The following EZH2 variants were observed in gnomAD, a reference collection of about 807,000 sequenced individuals.
EZH2 encodes the protein enhancer of zeste 2 polycomb repressive complex 2 subunit.
Under a neutral mutation model 98.4 loss-of-function variants are expected in EZH2, and 18 were observed. That is an observed-to-expected ratio of 0.18 (90% CI 0.13 to 0.27). The LOEUF is 0.27. EZH2 is among the 10% of genes least tolerant of loss of function. The probability of loss-of-function intolerance (pLI) is 1.00; values close to 1 mark genes in which losing one functional copy is unlikely to be tolerated. For synonymous variants in EZH2, 338 were observed against 312.3 expected, an observed-to-expected ratio of 1.08 and a Z score of -0.87; for missense variants, 470 against 935.1, an observed-to-expected ratio of 0.50 and a Z score of 6.49.
chr7:148,817,109 G>A (rs868860375), intron 11 of EZH2, 113 bp downstream of exon 11: 13 of 964,696 alleles, frequency 1.3e-5, no homozygotes, highest in Non-Finnish European at 1.9e-5. Flanking sequence ...ATTATTTTTA[G>A]GAGATGAATA....
intron 8 of EZH2, among the ~76,000 whole-genome samples, chr7:148,825,697 C>T (rs1009896259): frequency 6.6e-6 from 1 of 151,986 alleles, no homozygotes; most frequent in Admixed American, 6.6e-5. Context: ...TACAATGGGT[C>T]AAAGCCCCTA....
chr7:148,872,611 T>A (rs1170728691), intron 1 of EZH2, among the ~76,000 whole-genome samples: 1 of 152,210 alleles, frequency 6.6e-6, no homozygotes, highest in Non-Finnish European at 1.5e-5. Context: ...TAGGAACTCA[T>A]GTATCTACAA....
chr7:148,814,873 T>C (rs1804141776), intron 14 of EZH2, 41 bp downstream of exon 14: 4 of 1,600,670 alleles, frequency 2.5e-6, no homozygotes, highest in Middle Eastern at 2.2e-4. Context: ...CAAAGACCTA[T>C]TTAGTTCTCA....
At position 148,826,328 on chromosome 7, in the gene EZH2, G is replaced by C. The variant is rs182642772; in HGVS notation, c.907+126C>G. Reference sequence around the variant, plus strand: ...AACAAAGTAAAAATAATAATACTGAGATCTAAAGATATTTGTCAAAGTAAC... The same window carrying C: ...AACAAAGTAAAAATAATAATACTGACATCTAAAGATATTTGTCAAAGTAAC... On this transcript the variant is annotated intron_variant, in intron 8 of 19. Coordinates refer to ENST00000320356, the MANE Select transcript of EZH2 (RefSeq NM_004456.5). The C allele has an allele frequency of 5.0e-5, 35 of 695,532 alleles. No homozygotes were observed. In the East Asian group the frequency reaches 1.0e-3, roughly 20 times the overall value. The allele number at this position is 695,532 out of a possible 1,614,324, so 43.1% of individuals were successfully genotyped here. A position where few individuals can be genotyped will look rare whatever the true frequency, so the allele number is the denominator to read the frequency against.
intron 1 of EZH2, among the ~76,000 whole-genome samples, chr7:148,859,413 T>G (rs1197900020): frequency 3.3e-5 from 5 of 151,948 alleles, no homozygotes; most frequent in Non-Finnish European, 7.4e-5. Context: ...GGCTGAGGCA[T>G]GAGAATCACT....
intron 1 of EZH2, among the ~76,000 whole-genome samples, chr7:148,859,531 AC>A (rs1817362450): frequency 6.6e-6 from 1 of 151,632 alleles, no homozygotes; most frequent in African/African-American, 2.4e-5. Context: ...AACAACAACA[AC>A]AACAAAGTAA....
intron 1 of EZH2, among the ~76,000 whole-genome samples, chr7:148,851,516 TG>T (rs1442248506): frequency 6.6e-6 from 1 of 152,216 alleles, no homozygotes; most frequent in Non-Finnish European, 1.5e-5. Context: ...ATCAGGCCTC[TG>T]ACTCCATTTT....
intron 3 of EZH2, among the ~76,000 whole-genome samples, chr7:148,835,200 G>A (rs754665996): frequency 3.3e-5 from 5 of 152,010 alleles, no homozygotes; most frequent in Non-Finnish European, 7.4e-5. Flanking sequence ...CGGGCAGATC[G>A]CTTGAGCCCA....
chr7:148,831,778 A>G (rs10488070), intron 4 of EZH2, among the ~76,000 whole-genome samples: 22,233 of 152,230 alleles, frequency 0.15, 1,740 homozygotes, highest in East Asian at 0.26. Flanking sequence ...TCAACATTTT[A>G]TTAGCCTTCC....
intron 3 of EZH2, among the ~76,000 whole-genome samples, chr7:148,839,065 G>GAGAAGGAAGGAAGGAATT: frequency 7.7e-6 from 1 of 130,446 alleles, no homozygotes; most frequent in African/African-American, 3.2e-5. Context: ...AGGAAGGAAG[G>GAGAAGGAAGGAAGGAATT]AAGGAAGGAA....
At chr7:148,830,581 G>T (rs912568051) in intron 4 of EZH2, among the ~76,000 whole-genome samples, 2 of 152,022 alleles carry the variant, frequency 1.3e-5, no homozygotes, top group African/African-American at 4.8e-5. Flanking sequence ...ATGCCAAAAG[G>T]ATATGTACTT....
chr7:148,882,068 GATT>G (rs571455700), intron 1 of EZH2, among the ~76,000 whole-genome samples: 116 of 151,578 alleles, frequency 7.7e-4, no homozygotes, highest in Middle Eastern at 3.4e-3. Context: ...TAATGGACAA[GATT>G]ATTAATAGGA....
At chr7:148,823,823 A>G (rs151035130) in intron 8 of EZH2, among the ~76,000 whole-genome samples, 45 of 152,088 alleles carry the variant, frequency 3.0e-4, no homozygotes, top group Non-Finnish European at 6.2e-4. Context: ...GCACATCTTC[A>G]TATTAATACT....
At chr7:148,808,107 C>CA (rs1251449150) in intron 19 of EZH2, among the ~76,000 whole-genome samples, 3 of 152,176 alleles carry the variant, frequency 2.0e-5, no homozygotes, top group Non-Finnish European at 4.4e-5. Context: ...CAAAGAGGGC[C>CA]AAAGAGCAGC....
intron 3 of EZH2, among the ~76,000 whole-genome samples, chr7:148,836,666 G>A (rs1480946949): frequency 6.6e-6 from 1 of 152,050 alleles, no homozygotes; most frequent in African/African-American, 2.4e-5. Flanking sequence ...GTTCCAACTT[G>A]AGGATCACAC....
chr7:148,841,469 A>G (rs943667297), intron 3 of EZH2, among the ~76,000 whole-genome samples: 6 of 152,204 alleles, frequency 3.9e-5, no homozygotes, highest in African/African-American at 1.4e-4. Flanking sequence ...AGGCAATAAG[A>G]ATGAGTGTAT....
chr7:148,828,112 C>T (rs181118835), intron 6 of EZH2, among the ~76,000 whole-genome samples: 116 of 152,190 alleles, frequency 7.6e-4, no homozygotes, highest in African/African-American at 2.4e-3. Context: ...AGCGAGACTC[C>T]GTCTCGAAAA....
rs1167803877 is a variant in EZH2, at chr7:148,853,657, T to C, written c.-7-6352A>G. Among the ~76,000 whole-genome samples the C allele has an allele frequency of 2.0e-5, 3 of 152,184 alleles. No individual in the cohort carries two copies. In the South Asian group the frequency reaches 6.2e-4, roughly 32 times the overall value. On this transcript the variant is annotated intron_variant, in intron 1 of 19. Transcript: ENST00000320356. ...AGATTACTAAATACCTAATACAATG[T>C]AAATATTACATAAATAGTTGTTAAA...
At chr7:148,869,960 C>T (rs112574433) in intron 1 of EZH2, among the ~76,000 whole-genome samples, 1,954 of 152,302 alleles carry the variant, frequency 0.013, 41 homozygotes, top group African/African-American at 0.046. Flanking sequence ...ATGGCTCATG[C>T]CTGTAATCCC....
Sources: gnomAD v4.1 joint callset for allele counts (sites outside exome capture counted in the v4.1 genomes callset) on GRCh38, gnomAD v4.1.1 for gene constraint, MANE v1.5 for transcripts, NCBI Gene and HGNC (gene_info 2026-07-23, HGNC 2026-07-21) for gene names.